Variants in CAPN9 observed in about 807,000 individuals in gnomAD.
CAPN9 encodes the protein calpain-9.
A neutral mutation model predicts 92.8 loss-of-function variants in CAPN9; 81 were observed. The observed-to-expected ratio is 0.87, with a 90% CI of 0.73 to 1.05. The LOEUF (loss-of-function observed/expected upper bound fraction) is 1.05. Among genes scored for constraint, CAPN9 ranks in the 50% least tolerant of loss-of-function variants. The pLI, the probability that CAPN9 is intolerant of heterozygous loss-of-function variation, is 0.00. For synonymous variants in CAPN9, 304 were observed against 328.0 expected, an observed-to-expected ratio of 0.93 and a Z score of 0.79; for missense variants, 848 against 866.2, an observed-to-expected ratio of 0.98 and a Z score of 0.26.
intron 18 of CAPN9, 96 bp from the exon 19 acceptor site, chr1:230,798,066 C>T (rs547505752): frequency 5.9e-6 from 5 of 850,384 alleles, no homozygotes; most frequent in East Asian, 2.5e-5. Flanking sequence ...GCAGCTTCCC[C>T]ACAGGCTCCA....
At chr1:230,795,509 C>T (rs1034650011) in intron 18 of CAPN9, 8 of 456,992 alleles carry the variant, frequency 1.8e-5, no homozygotes, top group Non-Finnish European at 2.4e-5. Context: ...TTCACAGTGC[C>T]TCTGTGGGAG....
chr1:230,789,486 A>G (rs1186799618), intron 13 of CAPN9, among the ~76,000 whole-genome samples: 1 of 131,390 alleles, frequency 7.6e-6, no homozygotes, highest in African/African-American at 3.0e-5. Context: ...AAAAAAAAAA[A>G]AAAAAAAAAA....
At chr1:230,784,239 GA>G (rs1403422948) in intron 11 of CAPN9, among the ~76,000 whole-genome samples, 1 of 152,222 alleles carries the variant, frequency 6.6e-6, no homozygotes, top group Non-Finnish European at 1.5e-5. Flanking sequence ...CTATATAGCA[GA>G]GAAAGAAAAA....
At chr1:230,769,679 A>G (rs1349601828) in intron 6 of CAPN9, among the ~76,000 whole-genome samples, 1 of 136,012 alleles carries the variant, frequency 7.4e-6, no homozygotes, top group Non-Finnish European at 1.6e-5. Context: ...CTATCTATCT[A>G]TCTACATCAC....
chr1:230,748,800 T>C (rs1664588610), intron 1 of CAPN9, among the ~76,000 whole-genome samples: 2 of 152,166 alleles, frequency 1.3e-5, no homozygotes, highest in African/African-American at 4.8e-5. Context: ...ATTAAAATAA[T>C]GTTGATGATT....
intron 1 of CAPN9, 34 bp from the exon 2 acceptor site, chr1:230,755,303 A>C (rs1446596644): frequency 6.4e-7 from 1 of 1,551,322 alleles, no homozygotes; most frequent in African/African-American, 1.4e-5. Flanking sequence ...GCAGCATGGC[A>C]GGCCTCAGCC....
At chr1:230,783,169 T>C (rs1464880919) in intron 11 of CAPN9, among the ~76,000 whole-genome samples, 1 of 152,254 alleles carries the variant, frequency 6.6e-6, no homozygotes, top group Non-Finnish European at 1.5e-5. Flanking sequence ...GAATGTGTAA[T>C]GCAACTGCAC....
At chr1:230,751,601 GAAAGAAAGAGAAAGAAAGAAAGAA>G (rs1234696340) in intron 1 of CAPN9, among the ~76,000 whole-genome samples, 20 of 11,850 alleles carry the variant, frequency 1.7e-3, no homozygotes, top group Non-Finnish European at 2.9e-3. Context: ...AAGAAAGAAA[GAAAGAAAGAGAAAGAAAGAAAGAA>G]AGAAAGAAAG....
rs369229670 is a variant in CAPN9 at position 230,764,521 on chromosome 1, G to A, written c.536+1735G>A. Among the ~76,000 whole-genome samples the A allele has an allele frequency of 1.1e-4, 17 of 152,316 alleles. No individual in the cohort carries two copies. In the South Asian group the frequency reaches 2.5e-3, roughly 22 times the overall value. ...GATTTCTTGGCGTCCGTAACTATGA[G>A]AGCCAATTTCAAACGTATGAAATAA... On this transcript the variant is annotated intron_variant, in intron 4 of 19. Transcript: ENST00000271971.
intron 1 of CAPN9, among the ~76,000 whole-genome samples, chr1:230,754,376 A>G (rs569724299): frequency 2.1e-5 from 3 of 145,330 alleles, no homozygotes; most frequent in Non-Finnish European, 4.4e-5. Context: ...ACATTAATAC[A>G]CATAGTGTAT....
rs769732536 is a variant in CAPN9, at chr1:230,780,270, G to C, written c.1206G>C (p.Gln402His). 6.2e-7 allele frequency: 1 copy of C among 1,614,142 alleles called. No individual in the cohort carries two copies. The highest frequency in any genetic ancestry group is 1.1e-5 in the South Asian group (1 of 91,082). The stretch of plus-strand genomic sequence containing the variant: ...GTAGTTTCCTTGTAGCCCTGATGCA[G>C]AAAGATAGAAGGAAACTCAAGAGAT... ...EECSFLVALM[Q>H]KDRRKLKRFG... The change falls in exon 10 of 20, where the codon CAG (glutamine) becomes CAC (histidine). Residue 402 changes from glutamine to histidine, a missense_variant. Coordinates refer to ENST00000271971, the MANE Select transcript of CAPN9 (RefSeq NM_006615.3).
At chr1:230,767,008 C>T (rs1666026254) in intron 4 of CAPN9, among the ~76,000 whole-genome samples, 1 of 152,028 alleles carries the variant, frequency 6.6e-6, no homozygotes, top group Non-Finnish European at 1.5e-5. Flanking sequence ...TCAAGCAGAG[C>T]ACATATATGT....
chr1:230,780,115 TG>T, intron 9 of CAPN9, 63 bp from the exon 10 acceptor site: 1 of 865,356 alleles, frequency 1.2e-6, no homozygotes, highest in Non-Finnish European at 1.8e-6. Flanking sequence ...TGTGTGTGTG[TG>T]TGTGTGGTCT....
intron 7 of CAPN9, among the ~76,000 whole-genome samples, chr1:230,772,643 G>A (rs376437097): frequency 2.0e-5 from 3 of 152,136 alleles, no homozygotes; most frequent in South Asian, 4.1e-4. Context: ...TCAGCAAGCC[G>A]AGGTGGGAGG....
At chr1:230,788,423 G>A (rs1558113670) in intron 13 of CAPN9, among the ~76,000 whole-genome samples, 2 of 152,138 alleles carry the variant, frequency 1.3e-5, no homozygotes, top group African/African-American at 4.8e-5. Context: ...AGTCTTTCTA[G>A]AAACTGCCCC....
chr1:230,795,319 C>T (rs1351639350), intron 18 of CAPN9, 40 bp downstream of exon 18: 1 of 1,212,128 alleles, frequency 8.2e-7, no homozygotes, highest in Admixed American at 1.7e-5. Context: ...CTCGGGGTGG[C>T]ATCTTCAGTC....
chr1:230,792,335 G>C (rs1271544618), intron 15 of CAPN9, 91 bp from the exon 16 acceptor site: 1 of 1,069,930 alleles, frequency 9.3e-7, no homozygotes, highest in Non-Finnish European at 1.4e-6. Context: ...CAGCCCATCG[G>C]CCCTCCCCCT....
intron 14 of CAPN9, 23 bp downstream of exon 14, chr1:230,790,212 T>C (rs1667885599): frequency 6.2e-7 from 1 of 1,613,314 alleles, no homozygotes; most frequent in African/African-American, 1.3e-5. Context: ...CCCATCGGGG[T>C]CCTGGGGCAC....
rs912609061 is a variant in CAPN9 at position 230,792,302 on chromosome 1, GC to G, written c.1723-120del. Reference sequence around the variant, plus strand: ...TAATCATTAAAACCACTTCCCCAGGGCCCCAAACCTGTGCACCCAGGCCAGC... The same window carrying G: ...TAATCATTAAAACCACTTCCCCAGGGCCCAAACCTGTGCACCCAGGCCAGC... On this transcript the variant is annotated intron_variant, in intron 15 of 19. Coordinates refer to ENST00000271971, the MANE Select transcript of CAPN9 (RefSeq NM_006615.3). The G allele has an allele frequency of 7.2e-5, 54 of 747,952 alleles. No homozygotes were observed. In the South Asian group the frequency reaches 7.8e-4, roughly 11 times the overall value. 46.3% of individuals were successfully genotyped at this position (747,952 alleles called of 1,614,324 possible). A position where few individuals can be genotyped will look rare whatever the true frequency, so the allele number is the denominator to read the frequency against.
Sources: gnomAD v4.1 joint callset for allele counts (sites outside exome capture counted in the v4.1 genomes callset) on GRCh38, gnomAD v4.1.1 for gene constraint, MANE v1.5 for transcripts, NCBI Gene and HGNC (gene_info 2026-07-23, HGNC 2026-07-21) for gene names.